Variants in LPP observed in about 807,000 individuals in gnomAD.
The protein encoded by LPP is LIM domain containing preferred translocation partner in lipoma, also known as lipoma-preferred partner.
LPP carries 38 observed loss-of-function variants against 60.4 expected under a neutral mutation model. The ratio of observed to expected loss-of-function variants is 0.63; its 90% confidence interval spans 0.49 to 0.83. LPP has a LOEUF of 0.83. Ranked by LOEUF, LPP falls within the 40% of genes least tolerant of loss-of-function variation. LPP has a pLI of 0.00. For missense variants in LPP, 902 were observed against 783.6 expected (o/e 1.15, Z -1.80); for synonymous variants, 328 against 290.8 (o/e 1.13, Z -1.30).
At chr3:188,738,927 A>T (rs1723459629) in intron 8 of LPP, among the ~76,000 whole-genome samples, 1 of 152,102 alleles carries the variant, frequency 6.6e-6, no homozygotes, top group South Asian at 2.1e-4. Flanking sequence ...TTTAGGAAAT[A>T]ATGGCTTGCC....
chr3:188,415,496 C>T (rs1298229952), intron 4 of LPP, among the ~76,000 whole-genome samples: 4 of 151,608 alleles, frequency 2.6e-5, no homozygotes, highest in African/African-American at 9.7e-5. Context: ...ATGTTCATAG[C>T]AACTTTTTTT....
chr3:188,213,961 A>ACACACACACACACACACAC (rs1712363670), intron 1 of LPP, among the ~76,000 whole-genome samples: 2 of 130,322 alleles, frequency 1.5e-5, no homozygotes, highest in Non-Finnish European at 3.2e-5. Flanking sequence ...TTAGATTTTA[A>ACACACACACACACACACAC]ACACACACAC....
chr3:188,807,768 C>G (rs372371770), intron 9 of LPP, among the ~76,000 whole-genome samples: 2 of 152,000 alleles, frequency 1.3e-5, no homozygotes, highest in African/African-American at 2.4e-5. Context: ...AATTTTCTTC[C>G]TTTTTCACTA....
intron 3 of LPP, among the ~76,000 whole-genome samples, chr3:188,354,549 T>TG (rs982388415): frequency 1.3e-5 from 2 of 152,146 alleles, no homozygotes; most frequent in Non-Finnish European, 2.9e-5. Flanking sequence ...GGGTTTTTAG[T>TG]GGGGAGGAAT....
At chr3:188,854,501 A>G (rs1763379561) in intron 9 of LPP, among the ~76,000 whole-genome samples, 1 of 152,130 alleles carries the variant, frequency 6.6e-6, no homozygotes, top group East Asian at 1.9e-4. Flanking sequence ...TGGCCTTCCT[A>G]AGTCATGTGC....
intron 6 of LPP, among the ~76,000 whole-genome samples, chr3:188,570,704 T>G (rs1265267224): frequency 6.6e-6 from 1 of 151,932 alleles, no homozygotes; most frequent in East Asian, 1.9e-4. Flanking sequence ...AAAATAAAAT[T>G]TGCCTGCCTC....
Position 188,610,652 on chromosome 3 carries a change from C to T in LPP, c.1113+808C>T, listed in dbSNP as rs954049182. On this transcript the variant is annotated intron_variant, in intron 7 of 11. Coordinates refer to ENST00000617246, the MANE Select transcript of LPP (RefSeq NM_001375462.1). This position sits in a 1 kb window ranked among gnomAD's most constrained non-coding sequence, Gnocchi z 4.4. The stretch of plus-strand genomic sequence containing the variant: ...CATATGTGGACCTTTTAAGTTAACA[C>T]TCTCTGTTACTTCGTCTGAATAGGT... Among the ~76,000 whole-genome samples, 2 of 152,206 alleles carry T rather than the reference C, an allele frequency of 1.3e-5. No homozygotes were observed. Among genetic ancestry groups the T allele is most frequent in the African/African-American group, 4.8e-5 (2 of 41,448 alleles).
At chr3:188,343,033 A>C (rs1195626994) in intron 3 of LPP, among the ~76,000 whole-genome samples, 1 of 152,142 alleles carries the variant, frequency 6.6e-6, no homozygotes, top group Non-Finnish European at 1.5e-5. Context: ...ATTTTACTTT[A>C]AGTTCTTGGA....
At chr3:188,560,414 A>G (rs1410188889) in intron 6 of LPP, among the ~76,000 whole-genome samples, 1 of 152,094 alleles carries the variant, frequency 6.6e-6, no homozygotes, top group Non-Finnish European at 1.5e-5. Flanking sequence ...CAATGTCCTT[A>G]TCTGTTTCTC....
At chr3:188,753,365 TC>T (rs1220992071) in intron 8 of LPP, among the ~76,000 whole-genome samples, 2 of 152,138 alleles carry the variant, frequency 1.3e-5, no homozygotes, top group African/African-American at 4.8e-5. Context: ...TCTGTGGGAC[TC>T]CCCCTCCTAA....
chr3:188,250,810 CTT>C (rs1490878525), intron 2 of LPP, among the ~76,000 whole-genome samples: 1 of 99,452 alleles, frequency 1.0e-5, no homozygotes, highest in Non-Finnish European at 2.1e-5. Flanking sequence ...CTTTCTTTCT[CTT>C]TCTTTCTTTC....
At chr3:188,533,799 GGA>G (rs1224688341) in intron 6 of LPP, among the ~76,000 whole-genome samples, 1 of 152,164 alleles carries the variant, frequency 6.6e-6, no homozygotes, top group Non-Finnish European at 1.5e-5. Flanking sequence ...ATTTGGGGGT[GGA>G]GGAGTGGTTA....
chr3:188,481,841 A>G (rs1275077277), intron 4 of LPP, among the ~76,000 whole-genome samples: 1 of 152,176 alleles, frequency 6.6e-6, no homozygotes, highest in Non-Finnish European at 1.5e-5. Flanking sequence ...AAAATTTCCC[A>G]TGATGTAACA....
In LPP at chr3:188,875,994, T is replaced by C. The variant is rs994006725; in HGVS notation, c.*1515T>C. ...TAAGTCTACAAAAAGGTATAAATAA[T>C]AATATAATGAATTCCTATATACCTA... On this transcript the variant is annotated 3_prime_UTR_variant, in exon 12 of 12. Coordinates refer to ENST00000617246, the MANE Select transcript of LPP (RefSeq NM_001375462.1). 2.7e-5 allele frequency: 5 copies of C among 183,452 alleles called. No homozygotes were observed. Among genetic ancestry groups the C allele is most frequent in the Non-Finnish European group, 5.8e-5 (5 of 86,188 alleles). The allele number at this position is 183,452 out of a possible 1,614,324, so 11.4% of individuals were successfully genotyped here.
chr3:188,458,191 A>G (rs994639346), intron 4 of LPP, among the ~76,000 whole-genome samples: 13 of 152,180 alleles, frequency 8.5e-5, no homozygotes, highest in Non-Finnish European at 1.5e-5. Flanking sequence ...CAGCTTCTGA[A>G]GAGATAATTG....
intron 9 of LPP, among the ~76,000 whole-genome samples, chr3:188,840,266 G>A (rs1276100720): frequency 1.3e-5 from 2 of 152,090 alleles, no homozygotes; most frequent in Non-Finnish European, 2.9e-5. Flanking sequence ...CCAGTATCTG[G>A]GAATTCAACA....
rs571097711 is a variant in LPP, at chr3:188,223,326, G to A, written c.-189-2079G>A. On this transcript the variant is annotated intron_variant, in intron 1 of 11. Transcript: ENST00000617246. ...TTCTGAACTATAACCGGGTGGGGGG[G>A]ATAAATGGATGTTAAAAAATAGAAA... Among the ~76,000 whole-genome samples the A allele has an allele frequency of 3.9e-5, 6 of 152,224 alleles. No homozygotes were observed. In the South Asian group the frequency reaches 1.2e-3, roughly 32 times the overall value.
intron 6 of LPP, among the ~76,000 whole-genome samples, chr3:188,549,496 T>TC (rs2150495692): frequency 6.6e-6 from 1 of 152,312 alleles, no homozygotes; most frequent in East Asian, 1.9e-4. Context: ...GACCTGTAAG[T>TC]AGCGATTTTA....
intron 4 of LPP, among the ~76,000 whole-genome samples, chr3:188,473,466 C>T (rs1802371266): frequency 6.6e-6 from 1 of 152,136 alleles, no homozygotes; most frequent in South Asian, 2.1e-4. Context: ...TGATTCTTAA[C>T]CAGCGCTATA....
Sources: gnomAD v4.1 joint callset for allele counts (sites outside exome capture counted in the v4.1 genomes callset) on GRCh38, gnomAD v4.1.1 for gene constraint, Gnocchi (gnomAD v3.1) non-coding constraint, MANE v1.5 for transcripts, NCBI Gene and HGNC (gene_info 2026-07-23, HGNC 2026-07-21) for gene names.